The following HEMK2 variants were observed in gnomAD, a reference collection of about 807,000 sequenced individuals.
HEMK2 encodes methyltransferase HEMK2.
the HEMK2 span, among the ~76,000 whole-genome samples, chr21:28,580,307 G>T: frequency 6.6e-6 from 1 of 152,074 alleles, no homozygotes. Context: ...TCATGACGGG[G>T]CCCAGAGAGT....
the HEMK2 span, among the ~76,000 whole-genome samples, chr21:28,844,275 G>T: frequency 2.6e-5 from 4 of 151,978 alleles, no homozygotes; most frequent in African/African-American, 9.7e-5. Flanking sequence ...AAGCAGAGAA[G>T]CTATCCATCT....
the HEMK2 span, among the ~76,000 whole-genome samples, chr21:28,674,469 G>C: frequency 6.6e-6 from 1 of 152,118 alleles, no homozygotes; most frequent in Non-Finnish European, 1.5e-5. Context: ...CCCAGTCAAA[G>C]ACTCTCAAAA....
the HEMK2 span, among the ~76,000 whole-genome samples, chr21:28,763,750 G>A: frequency 1.3e-5 from 2 of 152,244 alleles, no homozygotes; most frequent in East Asian, 3.9e-4. Flanking sequence ...CTATGACCAT[G>A]TTCTTTTCAG....
the HEMK2 span, among the ~76,000 whole-genome samples, chr21:28,625,301 T>A: frequency 1.3e-5 from 2 of 152,246 alleles, no homozygotes; most frequent in Non-Finnish European, 2.9e-5. Flanking sequence ...AAGATACTTA[T>A]GGAACTTATA....
the HEMK2 span, among the ~76,000 whole-genome samples, chr21:28,783,707 G>A: frequency 6.6e-6 from 1 of 152,222 alleles, no homozygotes; most frequent in Admixed American, 6.5e-5. Context: ...CCCTCTCTGG[G>A]CTAGCCGAGG....
the HEMK2 span, among the ~76,000 whole-genome samples, chr21:28,805,628 A>T: frequency 6.6e-6 from 1 of 152,146 alleles, no homozygotes; most frequent in African/African-American, 2.4e-5. Flanking sequence ...AACTGGGTAG[A>T]TGCTTCTGTA....
chr21:28,700,779 C>G, the HEMK2 span, among the ~76,000 whole-genome samples: 3 of 152,020 alleles, frequency 2.0e-5, no homozygotes, highest in Admixed American at 2.0e-4. Context: ...GGGGCTCTTC[C>G]CTAACTCATT....
At chr21:28,863,517 C>T in the HEMK2 span, among the ~76,000 whole-genome samples, 13,898 of 130,082 alleles carry the variant, frequency 0.11, 1,150 homozygotes, top group African/African-American at 0.22. Context: ...ACCAAGGTTC[C>T]GTTTTACTGT....
the HEMK2 span, among the ~76,000 whole-genome samples, chr21:28,846,087 G>A: frequency 6.6e-6 from 1 of 152,148 alleles, no homozygotes; most frequent in Non-Finnish European, 1.5e-5. Context: ...TTCAGAGAAT[G>A]GCCTCCAGCT....
chr21:28,868,671 A>C, the HEMK2 span, among the ~76,000 whole-genome samples: 127,598 of 152,204 alleles, frequency 0.84, 53,944 homozygotes, highest in South Asian at 0.93. Context: ...GTGACAGAGC[A>C]AGACCTTGTC....
chr21:28,814,635 C>A, the HEMK2 span, among the ~76,000 whole-genome samples: 1 of 151,958 alleles, frequency 6.6e-6, no homozygotes, highest in Non-Finnish European at 1.5e-5. Context: ...AAAAAATGCT[C>A]ATCATCACTG....
the HEMK2 span, among the ~76,000 whole-genome samples, chr21:28,695,465 GCC>G: frequency 6.6e-6 from 1 of 152,122 alleles, no homozygotes; most frequent in Admixed American, 6.5e-5. Flanking sequence ...AGCTAGGGAG[GCC>G]TCACAATCAT....
At chr21:28,683,114 A>G in the HEMK2 span, among the ~76,000 whole-genome samples, 2 of 150,680 alleles carry the variant, frequency 1.3e-5, no homozygotes, top group Admixed American at 6.6e-5. Flanking sequence ...TTTCTATATT[A>G]TATTTATGAT....
chr21:28,814,123 G>C, the HEMK2 span, among the ~76,000 whole-genome samples: 1 of 152,106 alleles, frequency 6.6e-6, no homozygotes, highest in African/African-American at 2.4e-5. Flanking sequence ...TGTAGTCCCA[G>C]CTACTTGAGA....
chr21:28,831,490 A>C, the HEMK2 span, among the ~76,000 whole-genome samples: 21 of 73,622 alleles, frequency 2.9e-4, no homozygotes, highest in East Asian at 2.8e-3. Flanking sequence ...AAAGAAAGAA[A>C]GAAAGAAAGA....
chr21:28,761,656 A>G, the HEMK2 span, among the ~76,000 whole-genome samples: 3 of 151,576 alleles, frequency 2.0e-5, no homozygotes, highest in African/African-American at 7.3e-5. Flanking sequence ...AAAACTGTAT[A>G]AACTGGCCTG....
the HEMK2 span, among the ~76,000 whole-genome samples, chr21:28,705,112 G>C: frequency 2.0e-5 from 3 of 152,042 alleles, no homozygotes; most frequent in Non-Finnish European, 4.4e-5. Flanking sequence ...AAGCAGCTTG[G>C]TAAATTTTCA....
the HEMK2 span, among the ~76,000 whole-genome samples, chr21:28,691,847 C>A: frequency 1.2e-4 from 19 of 152,166 alleles, no homozygotes; most frequent in Admixed American, 6.5e-4. Context: ...GCTGAACATT[C>A]TTTAAATGAC....
At chr21:28,869,842 G>GAAT in the HEMK2 span, among the ~76,000 whole-genome samples, 23 of 152,302 alleles carry the variant, frequency 1.5e-4, no homozygotes, top group East Asian at 4.4e-3. Flanking sequence ...CTGCACATGA[G>GAAT]AATAACATAG....
Sources: gnomAD v4.1 joint callset for allele counts (sites outside exome capture counted in the v4.1 genomes callset) on GRCh38, gnomAD v4.1.1 for gene constraint, MANE v1.5 for transcripts, NCBI Gene and HGNC (gene_info 2026-07-23, HGNC 2026-07-21) for gene names.